TMEM117: variants seen among roughly 807,000 people sequenced by gnomAD.
TMEM117 encodes transmembrane protein 117.
Under a neutral mutation model 52.4 loss-of-function variants are expected in TMEM117, and 27 were observed. The observed-to-expected ratio is 0.51, with a 90% CI of 0.38 to 0.71. The LOEUF (loss-of-function observed/expected upper bound fraction) is 0.71. Among genes scored for constraint, TMEM117 ranks in the 30% least tolerant of loss-of-function variants. The probability of loss-of-function intolerance (pLI) is 0.00; values close to 1 mark genes in which losing one functional copy is unlikely to be tolerated. For missense variants in TMEM117, 556 were observed against 630.5 expected (o/e 0.88, Z 1.26); for synonymous variants, 215 against 206.3 (o/e 1.04, Z -0.36).
At chr12:44,191,258 A>G (rs1949348914) in intron 4 of TMEM117, among the ~76,000 whole-genome samples, 1 of 152,064 alleles carries the variant, frequency 6.6e-6, no homozygotes, top group African/African-American at 2.4e-5. Context: ...TGATTCAATT[A>G]TCTCTAACTG....
the TMEM117 span, chr12:43,797,286 A>T: frequency 6.4e-7 from 1 of 1,565,446 alleles, no homozygotes. Context: ...TGTGTTAAAA[A>T]CAATGTATCA....
intron 2 of TMEM117, among the ~76,000 whole-genome samples, chr12:43,857,953 G>C (rs551945978): frequency 3.3e-5 from 5 of 152,166 alleles, no homozygotes; most frequent in Non-Finnish European, 5.9e-5. Context: ...TGCCCTGCAC[G>C]GTTCTGGATA....
At chr12:43,850,385 C>A (rs1376162234) in intron 2 of TMEM117, among the ~76,000 whole-genome samples, 1 of 152,216 alleles carries the variant, frequency 6.6e-6, no homozygotes, top group Admixed American at 6.5e-5. Context: ...ATATCCGAAG[C>A]TATTTATGAT....
At chr12:44,342,060 C>CAA (rs137887057) in intron 6 of TMEM117, among the ~76,000 whole-genome samples, 1 of 150,578 alleles carries the variant, frequency 6.6e-6, no homozygotes, top group Admixed American at 6.6e-5. Context: ...TTTTAAAAGA[C>CAA]AAAAAAAAAG....
At chr12:43,800,336 A>G in the TMEM117 span, 6 of 794,320 alleles carry the variant, frequency 7.6e-6, no homozygotes, top group Non-Finnish European at 1.2e-5. Context: ...TCATGTTTTC[A>G]GATTATCCAT....
chr12:43,797,334 T>C, the TMEM117 span: 5 of 1,599,650 alleles, frequency 3.1e-6, no homozygotes, highest in East Asian at 1.1e-4. Context: ...TTCATGGGAA[T>C]GTTTATACAG....
chr12:43,882,266 C>T (rs1006151167), intron 2 of TMEM117, among the ~76,000 whole-genome samples: 1 of 151,854 alleles, frequency 6.6e-6, no homozygotes, highest in African/African-American at 2.4e-5. Flanking sequence ...TCAAGATCAT[C>T]CTGGCCGACA....
chr12:43,869,606 T>A lies in TMEM117; in HGVS notation c.277+24678T>A, dbSNP rs555209027. 3.7e-4 allele frequency among the ~76,000 whole-genome samples: 56 copies of A among 152,370 alleles called. 1 individual carries two copies. The highest frequency in any genetic ancestry group is 3.4e-3 in the Admixed American group (52 of 15,304). On this transcript the variant is annotated intron_variant, in intron 2 of 7. Coordinates refer to ENST00000266534, the MANE Select transcript of TMEM117 (RefSeq NM_032256.3). ...GCTTACTCTCATTTTCTCCCTGTAC[T>A]GTGTATGCCGAATAGAAAACAATTG... is the stretch of plus-strand genomic sequence containing the variant.
intron 6 of TMEM117, among the ~76,000 whole-genome samples, chr12:44,355,408 A>G (rs910724789): frequency 1.1e-4 from 16 of 152,054 alleles, no homozygotes; most frequent in African/African-American, 3.9e-4. Context: ...CTTGAGATAC[A>G]CAGCATAACA....
At chr12:44,161,596 C>G (rs1006521222) in intron 4 of TMEM117, among the ~76,000 whole-genome samples, 1 of 151,962 alleles carries the variant, frequency 6.6e-6, no homozygotes, top group African/African-American at 2.4e-5. Flanking sequence ...TGTGACATAC[C>G]CTAGCACAGT....
chr12:44,310,238 G>A (rs543825088), intron 6 of TMEM117, among the ~76,000 whole-genome samples: 1 of 152,306 alleles, frequency 6.6e-6, no homozygotes, highest in East Asian at 1.9e-4. Context: ...AAAAACTATA[G>A]TAATATGACG....
intron 2 of TMEM117, among the ~76,000 whole-genome samples, chr12:43,877,044 T>A (rs1171140776): frequency 6.6e-6 from 1 of 152,202 alleles, no homozygotes; most frequent in Non-Finnish European, 1.5e-5. Flanking sequence ...TCTAACATAA[T>A]TTATTTCATA....
intron 2 of TMEM117, among the ~76,000 whole-genome samples, chr12:43,909,859 A>G (rs1944464769): frequency 7.5e-6 from 1 of 133,750 alleles, no homozygotes; most frequent in South Asian, 2.9e-4. Flanking sequence ...TCAATAGCTT[A>G]CCAACGAAAA....
At chr12:44,361,504 A>T (rs1951720060) in intron 6 of TMEM117, among the ~76,000 whole-genome samples, 1 of 152,172 alleles carries the variant, frequency 6.6e-6, no homozygotes, top group Non-Finnish European at 1.5e-5. Context: ...AAGAATTTTG[A>T]TTGATGTCTT....
At chr12:43,954,182 T>C (rs968850008) in intron 3 of TMEM117, among the ~76,000 whole-genome samples, 2 of 152,106 alleles carry the variant, frequency 1.3e-5, no homozygotes, top group African/African-American at 4.8e-5. Context: ...TAGCACTAAA[T>C]GCCCACATGA....
At chr12:44,152,724 TA>T (rs1376150440) in intron 4 of TMEM117, among the ~76,000 whole-genome samples, 1 of 136,632 alleles carries the variant, frequency 7.3e-6, no homozygotes, top group Non-Finnish European at 1.5e-5. Context: ...ATATATAATA[TA>T]AATATATTTA....
the TMEM117 span, among the ~76,000 whole-genome samples, chr12:43,816,834 C>T: frequency 8.5e-5 from 13 of 152,220 alleles, no homozygotes; most frequent in Admixed American, 8.5e-4. Flanking sequence ...AATATGATGC[C>T]AGCATTAATT....
At chr12:43,992,576 A>G (rs908606021) in intron 3 of TMEM117, among the ~76,000 whole-genome samples, 2 of 152,106 alleles carry the variant, frequency 1.3e-5, no homozygotes, top group African/African-American at 4.8e-5. Context: ...ACCATGCCCA[A>G]CCTGACTGCT....
chr12:44,115,636 G>T (rs912433116), intron 3 of TMEM117, among the ~76,000 whole-genome samples: 3 of 151,808 alleles, frequency 2.0e-5, no homozygotes, highest in African/African-American at 2.4e-5. Context: ...TTTATTCTGT[G>T]ACATCAGGCT....
Sources: gnomAD v4.1 joint callset for allele counts (sites outside exome capture counted in the v4.1 genomes callset) on GRCh38, gnomAD v4.1.1 for gene constraint, MANE v1.5 for transcripts, NCBI Gene and HGNC (gene_info 2026-07-23, HGNC 2026-07-21) for gene names.